LYPD1: variants seen among roughly 807,000 people sequenced by gnomAD.
LYPD1 encodes the protein LY6/PLAUR domain containing 1.
Under a neutral mutation model 14.2 loss-of-function variants are expected in LYPD1, and 14 were observed. The observed-to-expected ratio is 0.99, with a 90% CI of 0.65 to 1.54. The LOEUF is 1.54. Ranked by LOEUF, LYPD1 falls within the 40% of genes most tolerant of loss-of-function variation. LYPD1 has a pLI of 0.00. For missense variants in LYPD1, 165 were observed against 175.7 expected (o/e 0.94, Z 0.34); for synonymous variants, 85 against 70.6 (o/e 1.20, Z -1.02).
intron 2 of LYPD1, among the ~76,000 whole-genome samples, chr2:132,660,844 A>G (rs1682888373): frequency 6.6e-6 from 1 of 152,226 alleles, no homozygotes; most frequent in African/African-American, 2.4e-5. Flanking sequence ...TTGGGGGACA[A>G]AAGCTAGGCT....
rs1473737038 is a variant in LYPD1, at chr2:132,669,159, T to C, written c.53-622A>G. Among the ~76,000 whole-genome samples, 1 of 151,916 alleles carries C rather than the reference T, an allele frequency of 6.6e-6. No homozygotes were observed. Among genetic ancestry groups the C allele is most frequent in the Non-Finnish European group, 1.5e-5 (1 of 67,994 alleles). On this transcript the variant is annotated intron_variant, in intron 1 of 2. Transcript: ENST00000397463. The surrounding 1 kb of genome is among the most constrained non-coding windows in gnomAD (Gnocchi z 4.3). ...GGGGCCGTCCCCGCGGCGACCCGAATGGCCACAGAGGGTGGGAAAGGGCGT... is the reference window on the plus strand; with the variant it reads ...GGGGCCGTCCCCGCGGCGACCCGAACGGCCACAGAGGGTGGGAAAGGGCGT...
At chr2:132,668,755 CT>C (rs1683441789) in intron 1 of LYPD1, among the ~76,000 whole-genome samples, 1 of 152,166 alleles carries the variant, frequency 6.6e-6, no homozygotes, top group African/African-American at 2.4e-5. Context: ...CCCGCCACCC[CT>C]GGACCCCGGC....
Position 132,668,443 on chromosome 2 carries a change from G to A in LYPD1, c.147C>T (p.Asn49=). Residue 49 remains asparagine (N), a synonymous_variant, in exon 2 of 3, where the codon AAC becomes AAT. Coordinates refer to ENST00000397463, the MANE Select transcript of LYPD1 (RefSeq NM_144586.7). The part of the protein sequence containing the change: ...SPEFIVNCTV[N]VQDMCQKEVM... ...CTTCTTTCTGACACATGTCTTGAAC[G>A]TTCACCGTGCAATTCACAATGAACT... The A allele has an allele frequency of 6.2e-7, 1 of 1,609,896 alleles. No individual in the cohort carries two copies. Among genetic ancestry groups the A allele is most frequent in the Non-Finnish European group, 8.5e-7 (1 of 1,178,160 alleles).
chr2:132,653,551 A>G (rs1381447487), intron 2 of LYPD1, among the ~76,000 whole-genome samples: 1 of 152,210 alleles, frequency 6.6e-6, no homozygotes, highest in Non-Finnish European at 1.5e-5. Flanking sequence ...TTAGAACACC[A>G]TGGTAACAAC....
At chr2:132,668,349 C>T (rs1683404070) in intron 2 of LYPD1, 51 bp downstream of exon 2, 2 of 1,540,984 alleles carry the variant, frequency 1.3e-6, no homozygotes, top group Admixed American at 4.2e-5. Context: ...CCCTCACTCC[C>T]ACCCCACAGC....
At chr2:132,652,604 C>T (rs143293553) in intron 2 of LYPD1, among the ~76,000 whole-genome samples, 1 of 152,260 alleles carries the variant, frequency 6.6e-6, no homozygotes, top group Non-Finnish European at 1.5e-5. Flanking sequence ...CAGCTCCCAG[C>T]CGCCCTACCC....
rs769228847 is a variant in LYPD1 at position 132,669,898 on chromosome 2, C to G, written c.35G>C (p.Gly12Ala). The change falls in exon 1 of 3, where the codon GGA becomes GCA. Residue 12 changes from glycine to alanine, a missense_variant. Physicochemically the swap from Gly to Ala is moderately conservative, Grantham distance 60 (BLOSUM62 0). Coordinates refer to ENST00000397463, the MANE Select transcript of LYPD1 (RefSeq NM_144586.7). The surrounding 1 kb of genome is among the most constrained non-coding windows in gnomAD (Gnocchi z 4.3). ...ATTCTCACCTGGAAGCAAGAACAAT[C>G]CGCAAAAAGTTGCCGCGATGCCTAG... ...WVLGIAATFCGLFLLPGFALQ... is the reference protein window; with the variant it reads ...WVLGIAATFCALFLLPGFALQ... The G allele has an allele frequency of 6.2e-7, 1 of 1,613,086 alleles. No homozygotes were observed. Among genetic ancestry groups the G allele is most frequent in the East Asian group, 2.2e-5 (1 of 44,740 alleles).
intron 2 of LYPD1, chr2:132,666,815 C>T (rs950629454): frequency 6.6e-6 from 1 of 152,198 alleles, no homozygotes; most frequent in African/African-American, 2.4e-5. Flanking sequence ...TAGCTTACAT[C>T]CCCTTCTCAA....
intron 2 of LYPD1, among the ~76,000 whole-genome samples, chr2:132,667,407 C>T (rs1377263412): frequency 1.3e-5 from 2 of 152,106 alleles, no homozygotes; most frequent in Admixed American, 6.5e-5. Flanking sequence ...ACGACTTTCC[C>T]AAGGTGTTGG....
At chr2:132,665,892 C>A (rs561951059) in intron 2 of LYPD1, among the ~76,000 whole-genome samples, 2 of 152,276 alleles carry the variant, frequency 1.3e-5, no homozygotes, top group African/African-American at 2.4e-5. Context: ...TCACTGGGCT[C>A]TTTCAGCTCT....
Position 132,670,126 on chromosome 2 carries a change from C to G in LYPD1, c.-194G>C. ...CCTGCATCGCCCGCGCTCGGGCTCCCGGCTGCGGGTCTCTGCTCCTCCCGC... is the reference window on the plus strand; with the variant it reads ...CCTGCATCGCCCGCGCTCGGGCTCCGGGCTGCGGGTCTCTGCTCCTCCCGC... On this transcript the variant is annotated 5_prime_UTR_variant, in exon 1 of 3. Coordinates refer to ENST00000397463, the MANE Select transcript of LYPD1 (RefSeq NM_144586.7). The surrounding 1 kb of genome is among the most constrained non-coding windows in gnomAD (Gnocchi z 4.5). 2.8e-6 allele frequency: 4 copies of G among 1,409,026 alleles called. No homozygotes were observed. Among genetic ancestry groups the G allele is most frequent in the Non-Finnish European group, 2.7e-6 (3 of 1,091,010 alleles). The allele number at this position is 1,409,026 out of a possible 1,614,324, so 87.3% of individuals were successfully genotyped here.
chr2:132,644,947 A>T lies in LYPD1; in HGVS notation c.*1098T>A. On this transcript the variant is annotated 3_prime_UTR_variant, in exon 3 of 3. Coordinates refer to ENST00000397463, the MANE Select transcript of LYPD1 (RefSeq NM_144586.7). ...ATTCTCTCTTGCTTGTGGCAAAAGA[A>T]GCTGTCAAGTCCAACACTGAAAAAT... The T allele has an allele frequency of 2.5e-6, 2 of 786,364 alleles. No individual in the cohort carries two copies. The highest frequency in any genetic ancestry group is 3.9e-6 in the Non-Finnish European group (2 of 506,732). The allele number at this position is 786,364 out of a possible 1,614,324, so 48.7% of individuals were successfully genotyped here. A position where few individuals can be genotyped will look rare whatever the true frequency, so the allele number is the denominator to read the frequency against.
chr2:132,656,264 A>G (rs1397084454), intron 2 of LYPD1, among the ~76,000 whole-genome samples: 3 of 152,230 alleles, frequency 2.0e-5, no homozygotes, highest in Non-Finnish European at 4.4e-5. Context: ...ATGTTATGCA[A>G]TGTAGCTTTA....
chr2:132,647,994 T>A (rs2104895434), intron 2 of LYPD1, among the ~76,000 whole-genome samples: 1 of 152,332 alleles, frequency 6.6e-6, no homozygotes, highest in South Asian at 2.1e-4. Context: ...AGGGATTGAT[T>A]TTCTAAGACC....
rs748066958 is a variant in LYPD1, at chr2:132,669,894, C to T, written c.39G>A (p.Leu13=). The change falls in exon 1 of 3, where the codon TTG becomes TTA. Residue 13 remains leucine (L), a synonymous_variant. Coordinates refer to ENST00000397463, the MANE Select transcript of LYPD1 (RefSeq NM_144586.7). This position sits in a 1 kb window ranked among gnomAD's most constrained non-coding sequence, Gnocchi z 4.3. ...VLGIAATFCG[L]FLLPGFALQI... ...GGGTATTCTCACCTGGAAGCAAGAACAATCCGCAAAAAGTTGCCGCGATGC... is the reference window on the plus strand; with the variant it reads ...GGGTATTCTCACCTGGAAGCAAGAATAATCCGCAAAAAGTTGCCGCGATGC... 2 of 1,613,090 alleles carry T rather than the reference C, an allele frequency of 1.2e-6. No individual in the cohort carries two copies. Among genetic ancestry groups the T allele is most frequent in the South Asian group, 2.2e-5 (2 of 91,044 alleles).
At chr2:132,662,541 AT>A (rs1297124891) in intron 2 of LYPD1, among the ~76,000 whole-genome samples, 2 of 136,838 alleles carry the variant, frequency 1.5e-5, no homozygotes, top group Non-Finnish European at 3.1e-5. Flanking sequence ...TAGTTTGGAC[AT>A]TAGAACCTAA....
upstream of LYPD1, chr2:132,671,101 C>T (rs1025676861): frequency 6.6e-6 from 1 of 152,476 alleles, no homozygotes; most frequent in African/African-American, 2.4e-5. Flanking sequence ...AAAGGCCATC[C>T]CAGCCTCGGA....
chr2:132,670,682 C>G (rs918334366), upstream of LYPD1, among the ~76,000 whole-genome samples: 1 of 152,162 alleles, frequency 6.6e-6, no homozygotes. The surrounding 1 kb of genome is among the most constrained non-coding windows in gnomAD (Gnocchi z 4.5). Context: ...AGGAAGGGCG[C>G]GCGTTCCCGT....
intron 2 of LYPD1, among the ~76,000 whole-genome samples, chr2:132,665,754 A>C (rs1351860980): frequency 3.3e-5 from 5 of 152,136 alleles, no homozygotes; most frequent in African/African-American, 9.7e-5. Flanking sequence ...AATCATTGGG[A>C]AGTTTATAAA....
Sources: allele counts gnomAD v4.1 joint callset (sites outside exome capture counted in the v4.1 genomes callset), GRCh38; gene constraint gnomAD v4.1.1; non-coding constraint Gnocchi (gnomAD v3.1); transcripts MANE v1.5; gene names NCBI Gene and HGNC (gene_info 2026-07-23, HGNC 2026-07-21).